GXYLT1: variants seen among roughly 807,000 people sequenced by gnomAD.
GXYLT1 encodes the protein glucoside xylosyltransferase 1.
In GXYLT1, 29 loss-of-function variants were observed where a neutral mutation model predicts 54.0. The ratio of observed to expected loss-of-function variants is 0.54; its 90% confidence interval spans 0.40 to 0.73. The LOEUF (loss-of-function observed/expected upper bound fraction) is 0.73, where lower values mean the gene tolerates loss of function less well. Ranked by LOEUF, GXYLT1 falls within the 30% of genes least tolerant of loss-of-function variation. The pLI is 0.00. For missense variants in GXYLT1, 490 were observed against 553.4 expected (o/e 0.89, Z 1.15); for synonymous variants, 176 against 204.1 (o/e 0.86, Z 1.17).
In GXYLT1 at chr12:42,120,793, C is replaced by T. The variant is rs190660556; in HGVS notation, c.315-1622G>A. Reference sequence around the variant, plus strand: ...TCAAGGGATCCTCCCACCTCAGCCTCCCAAAGTGCTGGGATTACAGGCATG... The same window carrying T: ...TCAAGGGATCCTCCCACCTCAGCCTTCCAAAGTGCTGGGATTACAGGCATG... On this transcript the variant is annotated intron_variant, in intron 2 of 7. Transcript: ENST00000398675. Among the ~76,000 whole-genome samples, 130 of 152,324 alleles carry T rather than the reference C, an allele frequency of 8.5e-4. 1 individual carries two copies. The highest frequency in any genetic ancestry group is 4.1e-3 in the South Asian group (20 of 4,822).
intron 6 of GXYLT1, 39 bp downstream of exon 6, chr12:42,097,871 G>C (rs971510158): frequency 6.9e-7 from 1 of 1,456,044 alleles, no homozygotes; most frequent in Non-Finnish European, 9.5e-7. Context: ...TATTATCTGT[G>C]ATTTTTTTAA....
At chr12:42,116,516 C>T (rs2065496264) in intron 3 of GXYLT1, among the ~76,000 whole-genome samples, 1 of 152,148 alleles carries the variant, frequency 6.6e-6, no homozygotes, top group African/African-American at 2.4e-5. Context: ...AGACAAAAAA[C>T]ACATGAAAAA....
chr12:42,129,506 GT>G (rs2065582087), intron 2 of GXYLT1, among the ~76,000 whole-genome samples: 1 of 152,008 alleles, frequency 6.6e-6, no homozygotes, highest in African/African-American at 2.4e-5. Context: ...GTTACCAAAA[GT>G]TAGATCATAA....
chr12:42,097,001 C>G (rs2065359422), intron 7 of GXYLT1, among the ~76,000 whole-genome samples: 2 of 152,136 alleles, frequency 1.3e-5, no homozygotes, highest in South Asian at 4.2e-4. Context: ...TGAAGAGGCT[C>G]TATTGTCCAA....
intron 5 of GXYLT1, among the ~76,000 whole-genome samples, chr12:42,104,910 C>T (rs1030626222): frequency 2.6e-5 from 4 of 152,170 alleles, no homozygotes; most frequent in African/African-American, 9.7e-5. Flanking sequence ...ATAGTGTTTG[C>T]TCAGAAGTCA....
At chr12:42,128,660 TAGCAC>T (rs1385001979) in intron 2 of GXYLT1, among the ~76,000 whole-genome samples, 2 of 152,234 alleles carry the variant, frequency 1.3e-5, no homozygotes, top group African/African-American at 4.8e-5. Context: ...GCTTACCACC[TAGCAC>T]AGCGTGTGGC....
At chr12:42,138,546 GA>G (rs11458987) in intron 1 of GXYLT1, among the ~76,000 whole-genome samples, 1 of 152,002 alleles carries the variant, frequency 6.6e-6, no homozygotes, top group Admixed American at 6.6e-5. Context: ...AAAGGGAGGG[GA>G]AAAAAACTGG....
chr12:42,136,789 A>ACAT (rs869154887), intron 1 of GXYLT1, among the ~76,000 whole-genome samples: 9 of 23,214 alleles, frequency 3.9e-4, no homozygotes, highest in African/African-American at 8.7e-4. Flanking sequence ...CATACATACA[A>ACAT]ACAAACACAC....
At chr12:42,131,893 A>C (rs1358097429) in intron 1 of GXYLT1, among the ~76,000 whole-genome samples, 1 of 152,212 alleles carries the variant, frequency 6.6e-6, no homozygotes, top group Admixed American at 6.5e-5. Flanking sequence ...TACAGATGAT[A>C]GCACAGCTTT....
intron 3 of GXYLT1, among the ~76,000 whole-genome samples, chr12:42,112,216 G>C (rs1302818938): frequency 6.6e-6 from 1 of 152,142 alleles, no homozygotes; most frequent in Non-Finnish European, 1.5e-5. Flanking sequence ...AGAAAAACTG[G>C]AAACTCTAAA....
In GXYLT1 at chr12:42,087,912, T is replaced by TA. The variant is rs1490418500; in HGVS notation, c.1196dup (p.Leu399PhefsTer80). ...TTTGTAGTTCCAGTTCTAAAGGTTT[T>TA]AATAAGGAACGGATGTTGTCATCTT... On this transcript the variant is annotated frameshift_variant, in exon 8 of 8. Coordinates refer to ENST00000398675, the MANE Select transcript of GXYLT1 (RefSeq NM_173601.2). LOFTEE classifies it high-confidence loss of function. 1 of 1,581,832 alleles carries TA rather than the reference T, an allele frequency of 6.3e-7. No individual in the cohort carries two copies. The highest frequency in any genetic ancestry group is 2.3e-5 in the East Asian group (1 of 44,068).
intron 3 of GXYLT1, among the ~76,000 whole-genome samples, chr12:42,114,433 C>A (rs539826776): frequency 1.6e-3 from 248 of 152,062 alleles, no homozygotes; most frequent in Non-Finnish European, 2.6e-3. Flanking sequence ...CGCAATAAAA[C>A]ATGATAAAGG....
rs2136867802 is a variant in GXYLT1, at chr12:42,086,871, A to G, written c.*915T>C. 2 of 152,294 alleles carry G rather than the reference A, an allele frequency of 1.3e-5. No individual in the cohort carries two copies. Among genetic ancestry groups the G allele is most frequent in the Middle Eastern group, 6.8e-3 (2 of 294 alleles). 9.4% of individuals were successfully genotyped at this position (152,294 alleles called of 1,614,324 possible). ...TCCATTGTAACTAAAATTACTACTC[A>G]CAGGAAGTATATAGCTTATGCATTT... On this transcript the variant is annotated 3_prime_UTR_variant, in exon 8 of 8. Transcript: ENST00000398675.
intron 3 of GXYLT1, 59 bp from the exon 4 acceptor site, chr12:42,109,750 TAAAAC>T: frequency 9.0e-7 from 1 of 1,108,916 alleles, no homozygotes; most frequent in Non-Finnish European, 1.3e-6. Flanking sequence ...TGTAAAATCA[TAAAAC>T]AACAGATTAT....
At chr12:42,102,875 A>T (rs1007142773) in intron 5 of GXYLT1, among the ~76,000 whole-genome samples, 5 of 151,986 alleles carry the variant, frequency 3.3e-5, no homozygotes, top group Admixed American at 1.3e-4. Flanking sequence ...TATGATTTTT[A>T]AAAAGTTGTA....
chr12:42,143,584 C>G (rs1468807931), intron 1 of GXYLT1, among the ~76,000 whole-genome samples: 3 of 152,238 alleles, frequency 2.0e-5, no homozygotes, highest in Non-Finnish European at 4.4e-5. Flanking sequence ...CACTTCAGGT[C>G]ATTCCCAGAG....
At chr12:42,122,174 T>C (rs1438006224) in intron 2 of GXYLT1, among the ~76,000 whole-genome samples, 1 of 152,206 alleles carries the variant, frequency 6.6e-6, no homozygotes, top group East Asian at 1.9e-4. Context: ...TCTACAGATA[T>C]ACAATTAGAA....
Position 42,082,032 on chromosome 12 carries a change from T to G in GXYLT1, c.*5754A>C, listed in dbSNP as rs2065256919. 6.6e-6 allele frequency: 1 copy of G among 152,140 alleles called. No homozygotes were observed. The allele number at this position is 152,140 out of a possible 1,614,324, so 9.4% of individuals were successfully genotyped here. On this transcript the variant is annotated 3_prime_UTR_variant, in exon 8 of 8. Coordinates refer to ENST00000398675, the MANE Select transcript of GXYLT1 (RefSeq NM_173601.2). The stretch of plus-strand genomic sequence containing the variant: ...TAACTGTCAAAATACACCAAATACT[T>G]AGAGGAAAATATTCACAGTATACCA...
At chr12:42,112,934 C>G (rs1038660715) in intron 3 of GXYLT1, among the ~76,000 whole-genome samples, 1 of 151,210 alleles carries the variant, frequency 6.6e-6, no homozygotes, top group Non-Finnish European at 1.5e-5. Flanking sequence ...GCGGATCTCT[C>G]GGCAGAAACT....
Sources: allele counts gnomAD v4.1 joint callset (sites outside exome capture counted in the v4.1 genomes callset), GRCh38; gene constraint gnomAD v4.1.1; transcripts MANE v1.5; gene names NCBI Gene and HGNC (gene_info 2026-07-23, HGNC 2026-07-21).